LRRC37A2: variants seen among roughly 807,000 people sequenced by gnomAD.
LRRC37A2 encodes the protein leucine-rich repeat-containing protein 37A2.
LRRC37A2 carries 9 observed loss-of-function variants against 68.8 expected under a neutral mutation model. The observed-to-expected ratio is 0.13, with a 90% CI of 0.08 to 0.23. LRRC37A2 has a LOEUF of 0.23. LRRC37A2 is among the 10% of genes least tolerant of loss of function. The pLI is 1.00. For synonymous variants in LRRC37A2, 63 were observed against 367.6 expected (o/e 0.17, Z 9.48); for missense variants, 168 against 950.4 (o/e 0.18, Z 10.82).
At chr17:46,932,462 T>C in the LRRC37A2 span, 2 of 597,962 alleles carry the variant, frequency 3.3e-6, no homozygotes, top group South Asian at 4.1e-5. Context: ...GTTGGGCTGG[T>C]CTGAGACAGA....
At chr17:47,027,016 T>C in the LRRC37A2 span, among the ~76,000 whole-genome samples, 1 of 152,290 alleles carries the variant, frequency 6.6e-6, no homozygotes, top group East Asian at 1.9e-4. Context: ...GTTCATGCCA[T>C]TCTCCTGCCT....
At chr17:47,010,698 G>C in the LRRC37A2 span, 17,410 of 152,290 alleles carry the variant, frequency 0.11, 1,099 homozygotes, top group South Asian at 0.22. Flanking sequence ...ACTGCAGACA[G>C]CCTTGTTCTT....
chr17:46,721,377 T>A, the LRRC37A2 span, among the ~76,000 whole-genome samples: 1 of 152,204 alleles, frequency 6.6e-6, no homozygotes, highest in Non-Finnish European at 1.5e-5. Context: ...CTGATGCCAC[T>A]CTTTCCCACA....
At chr17:46,923,924 A>G in the LRRC37A2 span, 3 of 398,378 alleles carry the variant, frequency 7.5e-6, no homozygotes, top group Non-Finnish European at 1.3e-5. Context: ...CAGAATTATG[A>G]TTTTTACCCT....
the LRRC37A2 span, chr17:46,768,797 A>G: frequency 2.5e-6 from 4 of 1,612,786 alleles, no homozygotes; most frequent in Non-Finnish European, 2.5e-6. The surrounding 1 kb of genome is among the most constrained non-coding windows in gnomAD (Gnocchi z 5.0). Flanking sequence ...GGTCCAGGAT[A>G]GTCTGGGGGA....
the LRRC37A2 span, among the ~76,000 whole-genome samples, chr17:46,767,599 G>A: frequency 6.6e-6 from 1 of 152,296 alleles, no homozygotes; most frequent in East Asian, 1.9e-4. Context: ...AGAACAGGAA[G>A]TTACTGACAA....
the LRRC37A2 span, among the ~76,000 whole-genome samples, chr17:46,767,782 T>G: frequency 2.0e-5 from 3 of 151,828 alleles, no homozygotes; most frequent in Non-Finnish European, 4.4e-5. Context: ...TGTTTTTTTT[T>G]GTTTGTTTGT....
chr17:46,984,793 G>A, the LRRC37A2 span, among the ~76,000 whole-genome samples: 166 of 152,302 alleles, frequency 1.1e-3, no homozygotes, highest in African/African-American at 3.8e-3. Flanking sequence ...GTCAATAAGT[G>A]TTCTTTGTAT....
chr17:46,952,342 CTG>C, the LRRC37A2 span, among the ~76,000 whole-genome samples: 2 of 152,240 alleles, frequency 1.3e-5, no homozygotes, highest in Admixed American at 6.5e-5. Context: ...GACCACATGA[CTG>C]CGCGGTGGGC....
the LRRC37A2 span, among the ~76,000 whole-genome samples, chr17:47,040,061 TTGC>T: frequency 2.6e-5 from 4 of 151,934 alleles, no homozygotes; most frequent in African/African-American, 9.7e-5. Flanking sequence ...TGATGAGACA[TTGC>T]TTTCATACTT....
At chr17:46,942,478 C>G in the LRRC37A2 span, among the ~76,000 whole-genome samples, 2 of 152,322 alleles carry the variant, frequency 1.3e-5, no homozygotes, top group South Asian at 4.1e-4. Context: ...GAACCATGGG[C>G]CCACTTAATC....
the LRRC37A2 span, chr17:46,978,917 C>A: frequency 2.0e-6 from 3 of 1,466,240 alleles, no homozygotes; most frequent in Non-Finnish European, 2.7e-6. Context: ...GTGCCCAGCC[C>A]GTGGGTGCGG....
At chr17:46,778,846 G>C in the LRRC37A2 span, among the ~76,000 whole-genome samples, 1 of 152,002 alleles carries the variant, frequency 6.6e-6, no homozygotes, top group Non-Finnish European at 1.5e-5. Flanking sequence ...CTGATTCCTA[G>C]GTCACCACCA....
chr17:46,959,801 C>T, the LRRC37A2 span, among the ~76,000 whole-genome samples: 1 of 152,198 alleles, frequency 6.6e-6, no homozygotes, highest in Non-Finnish European at 1.5e-5. Flanking sequence ...ATGGAAAGTC[C>T]TCCAATCCTT....
the LRRC37A2 span, among the ~76,000 whole-genome samples, chr17:46,737,206 G>A: frequency 2.0e-5 from 3 of 152,142 alleles, no homozygotes; most frequent in Non-Finnish European, 4.4e-5. Flanking sequence ...TGTGCACAAG[G>A]TGGGCACAGG....
intron 8 of LRRC37A2, among the ~76,000 whole-genome samples, chr17:46,543,228 CATTT>C (rs1308970021): frequency 6.6e-6 from 1 of 150,566 alleles, no homozygotes; most frequent in African/African-American, 2.5e-5. Context: ...GGAGTTTACA[CATTT>C]ATGTACAAAG....
the LRRC37A2 span, among the ~76,000 whole-genome samples, chr17:46,857,155 A>T: frequency 6.6e-6 from 1 of 152,090 alleles, no homozygotes; most frequent in Non-Finnish European, 1.5e-5. Flanking sequence ...TTATTTATCC[A>T]TTCCCCACTT....
chr17:46,839,948 C>CTT, the LRRC37A2 span, among the ~76,000 whole-genome samples: 1 of 148,716 alleles, frequency 6.7e-6, no homozygotes, highest in Non-Finnish European at 1.5e-5. Context: ...TTCTTTCTTT[C>CTT]TTTCTTTCTT....
chr17:47,012,945 T>C, the LRRC37A2 span, among the ~76,000 whole-genome samples: 11,165 of 152,190 alleles, frequency 0.073, 503 homozygotes, highest in Middle Eastern at 0.12. Context: ...TAGCCAAAAA[T>C]AGAAATAACC....
Sources: gnomAD v4.1 joint callset for allele counts (sites outside exome capture counted in the v4.1 genomes callset) on GRCh38, gnomAD v4.1.1 for gene constraint, Gnocchi (gnomAD v3.1) non-coding constraint, MANE v1.5 for transcripts, NCBI Gene and HGNC (gene_info 2026-07-23, HGNC 2026-07-21) for gene names.